GPHN: variants seen among roughly 807,000 people sequenced by gnomAD.
The protein encoded by GPHN is gephyrin.
Under a neutral mutation model 95.5 loss-of-function variants are expected in GPHN, and 17 were observed. The ratio of observed to expected loss-of-function variants is 0.18; its 90% CI spans 0.12 to 0.27. The LOEUF is 0.27. Ranked by LOEUF, GPHN falls within the 10% of genes least tolerant of loss-of-function variation. GPHN has a pLI of 1.00. For missense variants in GPHN, 660 were observed against 978.1 expected (o/e 0.67, Z 4.34); for synonymous variants, 320 against 322.5 (o/e 0.99, Z 0.08).
chr14:66,849,212 G>C lies in GPHN; in HGVS notation c.294+24646G>C, dbSNP rs1442679921. ...TTAGCCACTCTCCTTTTCATATAAT[G>C]TAAGCTTTTCTTCATTTAATAACTG... On this transcript the variant is annotated intron_variant, in intron 4 of 22. Coordinates refer to ENST00000478722, the MANE Select transcript of GPHN (RefSeq NM_020806.5). Among the ~76,000 whole-genome samples the C allele has an allele frequency of 2.6e-5, 4 of 151,950 alleles. No individual in the cohort carries two copies. The South Asian group carries it at 8.3e-4, about 31-fold the overall frequency.
chr14:66,822,209 C>T (rs2061220900), intron 3 of GPHN, among the ~76,000 whole-genome samples: 1 of 152,202 alleles, frequency 6.6e-6, no homozygotes, highest in Non-Finnish European at 1.5e-5. Context: ...CTCGGCCTCC[C>T]AAAGTGCTGG....
chr14:67,261,481 C>T, the GPHN span, among the ~76,000 whole-genome samples: 1 of 152,054 alleles, frequency 6.6e-6, no homozygotes, highest in Admixed American at 6.6e-5. Flanking sequence ...TCAGTTTTAC[C>T]CCAGGAGGAT....
intron 10 of GPHN, among the ~76,000 whole-genome samples, chr14:67,041,847 G>A (rs1350582448): frequency 6.6e-6 from 1 of 152,134 alleles, no homozygotes; most frequent in Non-Finnish European, 1.5e-5. Flanking sequence ...GTGTAAATGT[G>A]TTCCTATTCT....
In GPHN at chr14:67,003,578, A is replaced by G. The variant is rs946628697; in HGVS notation, c.964-20055A>G. ...ACAGTACTCATTGTAGTGGAAGGTA[A>G]AGGGAGGAGGAAACTCTAGAAATTG... On this transcript the variant is annotated intron_variant, in intron 9 of 22. Transcript: ENST00000478722. 2.6e-5 allele frequency among the ~76,000 whole-genome samples: 4 copies of G among 151,628 alleles called. No homozygotes were observed. In the East Asian group the frequency reaches 7.7e-4, roughly 29 times the overall value.
chr14:67,022,607 A>ATT lies in GPHN; in HGVS notation c.964-1022_964-1021dup, dbSNP rs377283401. 5.7e-3 allele frequency among the ~76,000 whole-genome samples: 261 copies of ATT among 46,110 alleles called. 3 individuals are homozygous for ATT. Among genetic ancestry groups the ATT allele is most frequent in the Admixed American group, 7.5e-3 (21 of 2,800 alleles). 30.2% of individuals were successfully genotyped at this position (46,110 alleles called of 152,430 possible). ...TGTGTGTGTGTGTGTGTGTGTGTGTATTTTTCTTGTATGTATGTTTGTGAC... is the reference window on the plus strand; with the variant it reads ...TGTGTGTGTGTGTGTGTGTGTGTGTATTTTTTTCTTGTATGTATGTTTGTGAC... On this transcript the variant is annotated intron_variant, in intron 9 of 22. Coordinates refer to ENST00000478722, the MANE Select transcript of GPHN (RefSeq NM_020806.5).
the GPHN span, among the ~76,000 whole-genome samples, chr14:67,262,340 C>G: frequency 6.6e-6 from 1 of 152,128 alleles, no homozygotes; most frequent in Non-Finnish European, 1.5e-5. Context: ...TGTATCTTCT[C>G]TTTTCCAATT....
the GPHN span, among the ~76,000 whole-genome samples, chr14:67,547,077 C>T: frequency 6.6e-6 from 1 of 152,132 alleles, no homozygotes; most frequent in East Asian, 1.9e-4. Flanking sequence ...TTCTTGTCTT[C>T]AAGTCTGTCT....
At chr14:66,941,815 A>C (rs984808298) in intron 8 of GPHN, among the ~76,000 whole-genome samples, 4 of 150,500 alleles carry the variant, frequency 2.7e-5, no homozygotes, top group Admixed American at 1.3e-4. Flanking sequence ...TTCTAGAGAA[A>C]CCAGGCAGAG....
At chr14:66,575,413 T>G (rs2060863545) in intron 1 of GPHN, among the ~76,000 whole-genome samples, 1 of 152,252 alleles carries the variant, frequency 6.6e-6, no homozygotes, top group Non-Finnish European at 1.5e-5. Context: ...GTATCCCAAT[T>G]ATTTTGAATT....
the GPHN span, among the ~76,000 whole-genome samples, chr14:67,435,794 G>A: frequency 6.6e-6 from 1 of 152,222 alleles, no homozygotes; most frequent in Non-Finnish European, 1.5e-5. Flanking sequence ...CATCCCATAA[G>A]CATCACCCCG....
chr14:67,724,560 C>CTGCTTCTTTCCTATTCCCTCTCT, the GPHN span: 1 of 1,613,818 alleles, frequency 6.2e-7, no homozygotes, highest in Non-Finnish European at 8.5e-7. Flanking sequence ...CGGGCATTGG[C>CTGCTTCTTTCCTATTCCCTCTCT]AAGGAGACGG....
chr14:66,758,302 C>T (rs1213823269), intron 2 of GPHN, among the ~76,000 whole-genome samples: 1 of 152,186 alleles, frequency 6.6e-6, no homozygotes, highest in Non-Finnish European at 1.5e-5. Context: ...CACCCCCTAT[C>T]TGCCTAGGCA....
At chr14:66,750,296 T>A (rs899473019) in intron 2 of GPHN, among the ~76,000 whole-genome samples, 5 of 151,954 alleles carry the variant, frequency 3.3e-5, no homozygotes, top group African/African-American at 1.2e-4. Flanking sequence ...TTTTTGCACA[T>A]CATGTCTTTT....
At chr14:66,858,604 G>A (rs900489493) in intron 4 of GPHN, among the ~76,000 whole-genome samples, 7 of 151,900 alleles carry the variant, frequency 4.6e-5, no homozygotes, top group Admixed American at 2.0e-4. Context: ...AGCTTTGATA[G>A]CTATCGTGAG....
the GPHN span, among the ~76,000 whole-genome samples, chr14:67,240,857 A>G: frequency 6.6e-6 from 1 of 152,258 alleles, no homozygotes; most frequent in Admixed American, 6.5e-5. Context: ...GGCTTTATGC[A>G]GTCTTCTGCG....
At chr14:67,308,639 G>A in the GPHN span, among the ~76,000 whole-genome samples, 1 of 148,638 alleles carries the variant, frequency 6.7e-6, no homozygotes, top group African/African-American at 2.5e-5. Context: ...TCCGCCTCCT[G>A]GGTTCAAGTG....
the GPHN span, among the ~76,000 whole-genome samples, chr14:67,479,128 G>T: frequency 6.6e-6 from 1 of 152,154 alleles, no homozygotes; most frequent in Admixed American, 6.5e-5. Context: ...GCTTATGGAG[G>T]CTGGACGTGG....
the GPHN span, chr14:67,588,339 C>T: frequency 2.6e-5 from 4 of 152,492 alleles, no homozygotes; most frequent in African/African-American, 9.7e-5. Flanking sequence ...GCTGTAAGAC[C>T]ACCAAAAATG....
chr14:67,584,006 A>AT, the GPHN span: 1 of 1,614,006 alleles, frequency 6.2e-7, no homozygotes, highest in Non-Finnish European at 8.5e-7. Flanking sequence ...CACCTGGCAG[A>AT]TATGTTGACC....
Sources: gnomAD v4.1 joint callset for allele counts (sites outside exome capture counted in the v4.1 genomes callset) on GRCh38, gnomAD v4.1.1 for gene constraint, MANE v1.5 for transcripts, NCBI Gene and HGNC (gene_info 2026-07-23, HGNC 2026-07-21) for gene names.